Variants in RGS12 observed in about 807,000 individuals in gnomAD.
RGS12 encodes regulator of G protein signaling 12.
In RGS12, 66 loss-of-function variants were observed where a neutral mutation model predicts 120.1. The ratio of observed to expected loss-of-function variants is 0.55; its 90% CI spans 0.45 to 0.67. The LOEUF (loss-of-function observed/expected upper bound fraction) is 0.67. RGS12 is among the 30% of genes least tolerant of loss of function. The pLI is 0.00. For missense variants in RGS12, 1,859 were observed against 1,957.7 expected (o/e 0.95, Z 0.95); for synonymous variants, 827 against 804.7 (o/e 1.03, Z -0.47).
rs1347436493 is a variant in RGS12, at chr4:3,416,104, A to C, written c.2410A>C (p.Lys804Gln). The change falls in exon 7 of 18, where the codon AAG (lysine) becomes CAG (glutamine). Residue 804 changes from lysine to glutamine, a missense_variant. Lys to Gln is a moderately conservative substitution (Grantham distance 53). This residue lies in a region of RGS12 where 375 missense variants were observed against 475.0 expected (regional missense o/e 0.79). Transcript: ENST00000336727. Reference protein sequence around the residue: ...VLRAPHPDMFKEQQLQIFNLM... With the variant: ...VLRAPHPDMFQEQQLQIFNLM... ...CCGCGCACCTCACCCAGACATGTTC[A>C]AGGAGCAGCAGCTGCAGGTAACCGC... 6.2e-7 allele frequency: 1 copy of C among 1,614,076 alleles called. No homozygotes were observed.
At chr4:3,400,981 A>G (rs1049146168) in intron 4 of RGS12, among the ~76,000 whole-genome samples, 2 of 152,110 alleles carry the variant, frequency 1.3e-5, no homozygotes, top group African/African-American at 4.8e-5. Flanking sequence ...AGAAAAAAAT[A>G]TTAAACTTGG....
intron 17 of RGS12, among the ~76,000 whole-genome samples, chr4:3,437,840 C>T (rs1353567509): frequency 1.3e-5 from 2 of 152,164 alleles, no homozygotes; most frequent in African/African-American, 2.4e-5. Flanking sequence ...TTCAAGAGAA[C>T]GGGCTGGGCA....
At chr4:3,368,503 T>TG (rs1716601657) in intron 3 of RGS12, among the ~76,000 whole-genome samples, 1 of 119,144 alleles carries the variant, frequency 8.4e-6, no homozygotes, top group Non-Finnish European at 1.7e-5. Context: ...TGTGTGTGTG[T>TG]GGGTGCCTGT....
chr4:3,308,378 TG>T (rs1399566502), intron 1 of RGS12, among the ~76,000 whole-genome samples: 3 of 152,056 alleles, frequency 2.0e-5, no homozygotes, highest in Non-Finnish European at 4.4e-5. Context: ...TGAAGCGTGT[TG>T]GCTCGGCGCT....
chr4:3,406,603 A>T (rs1304578234), intron 4 of RGS12, among the ~76,000 whole-genome samples: 2 of 152,202 alleles, frequency 1.3e-5, no homozygotes, highest in Admixed American at 1.3e-4. Context: ...CAGAGAGTGC[A>T]GTGTCCTAGA....
At chr4:3,376,507 G>T (rs1717714756) in intron 3 of RGS12, among the ~76,000 whole-genome samples, 2 of 152,230 alleles carry the variant, frequency 1.3e-5, no homozygotes, top group South Asian at 4.1e-4. Context: ...CACCCTGGGG[G>T]GAGACACGTG....
Position 3,430,403 on chromosome 4 carries a change from A to G in RGS12, c.3566-4A>G, listed in dbSNP as rs1256056205. ...CACGGTCACTCTGGGTTTTCTTCCAATAGAGTTTTTTGAGCTTATTTCCAA... is the reference window on the plus strand; with the variant it reads ...CACGGTCACTCTGGGTTTTCTTCCAGTAGAGTTTTTTGAGCTTATTTCCAA... On this transcript the variant is annotated splice_region_variant and splice_polypyrimidine_tract_variant and intron_variant, in intron 16 of 17. Transcript: ENST00000336727. 2 of 1,606,956 alleles carry G rather than the reference A, an allele frequency of 1.2e-6. No homozygotes were observed. The highest frequency in any genetic ancestry group is 2.2e-5 in the East Asian group (1 of 44,756).
intron 1 of RGS12, among the ~76,000 whole-genome samples, chr4:3,301,162 G>A (rs187283212): frequency 0.01 from 1,521 of 151,764 alleles, 15 homozygotes; most frequent in Middle Eastern, 0.031. Context: ...GTCTGTCCCC[G>A]GCTGCCCTCC....
chr4:3,349,846 A>G (rs1054151755), intron 3 of RGS12, among the ~76,000 whole-genome samples: 2 of 152,226 alleles, frequency 1.3e-5, no homozygotes, highest in African/African-American at 2.4e-5. Flanking sequence ...GTGTTCAGCA[A>G]TGTATGTTTT....
intron 3 of RGS12, among the ~76,000 whole-genome samples, chr4:3,373,857 A>G (rs968353034): frequency 6.6e-6 from 1 of 152,226 alleles, no homozygotes; most frequent in Non-Finnish European, 1.5e-5. Flanking sequence ...TCATCTATAT[A>G]AGGAAAGATC....
In RGS12 at chr4:3,316,549, A is replaced by G. The variant is rs755326685; in HGVS notation, c.379A>G (p.Lys127Glu). Residue 127 changes from lysine to glutamate, a missense_variant, in exon 2 of 18, where the codon AAA (lysine) becomes GAA (glutamate). Transcript: ENST00000336727. ...KGWLKPKLDS[K>E]ALGINRAERV... is the part of the protein sequence containing the mutation. ...CTGGCTGAAGCCCAAGCTGGATTCT[A>G]AAGCACTAGGTATAAACAGAGCAGA... 6.8e-6 allele frequency: 11 copies of G among 1,614,098 alleles called. No individual in the cohort carries two copies. Among genetic ancestry groups the G allele is most frequent in the Non-Finnish European group, 8.5e-6 (10 of 1,180,054 alleles).
At chr4:3,406,636 C>T (rs1460803865) in intron 4 of RGS12, among the ~76,000 whole-genome samples, 5 of 152,206 alleles carry the variant, frequency 3.3e-5, no homozygotes, top group African/African-American at 1.2e-4. Flanking sequence ...GTGTGTCACC[C>T]GCCCTCTCCA....
chr4:3,358,256 A>T (rs1715086057), intron 3 of RGS12, among the ~76,000 whole-genome samples: 1 of 152,176 alleles, frequency 6.6e-6, no homozygotes, highest in Admixed American at 6.5e-5. Context: ...AATAGTCTAC[A>T]TAAAATATCT....
chr4:3,342,941 C>G lies in RGS12; in HGVS notation c.1886C>G (p.Ser629Ter). ...VRKTKEDKKG[S>*]KFGRGTGLTQ... ...GCCTTTTTTCTTCGTGTTTAGGGCT[C>G]AAAATTTGGGCGGGGAACTGGACTC... Residue 629 changes from serine to a stop codon, truncating the protein, a stop_gained, in exon 3 of 18, where the codon TCA becomes TGA. Coordinates refer to ENST00000336727, the MANE Select transcript of RGS12 (RefSeq NM_001394154.1). LOFTEE classifies it high-confidence loss of function. 1 of 1,612,826 alleles carries G rather than the reference C, an allele frequency of 6.2e-7. No individual in the cohort carries two copies. The highest frequency in any genetic ancestry group is 8.5e-7 in the Non-Finnish European group (1 of 1,179,114).
chr4:3,362,502 G>T (rs376116709), intron 3 of RGS12, among the ~76,000 whole-genome samples: 1 of 146,494 alleles, frequency 6.8e-6, no homozygotes, highest in East Asian at 2.1e-4. Context: ...GTGTGTGAGG[G>T]TGCGAGGATC....
At position 3,372,654 on chromosome 4, in the gene RGS12, C is replaced by T. The variant is rs1717154240; in HGVS notation, c.1999-13762C>T. Among the ~76,000 whole-genome samples the T allele has an allele frequency of 1.3e-5, 2 of 152,222 alleles. No individual in the cohort carries two copies. The highest frequency in any genetic ancestry group is 2.4e-5 in the African/African-American group (1 of 41,462). On this transcript the variant is annotated intron_variant, in intron 3 of 17. Transcript: ENST00000336727. The surrounding 1 kb of genome is among the most constrained non-coding windows in gnomAD (Gnocchi z 4.3). The stretch of plus-strand genomic sequence containing the variant: ...TGGTTTTGTGACGTCTCAGGGTGTC[C>T]TTTCTTTCCTTCATGAGAAGAAGTT...
At chr4:3,299,512 T>C (rs1723559423) in intron 1 of RGS12, among the ~76,000 whole-genome samples, 1 of 152,168 alleles carries the variant, frequency 6.6e-6, no homozygotes, top group Admixed American at 6.5e-5. Context: ...TTGTGTCTTG[T>C]GTCTGGTTGG....
chr4:3,396,447 T>A (rs1720056579), intron 4 of RGS12, among the ~76,000 whole-genome samples: 1 of 152,226 alleles, frequency 6.6e-6, no homozygotes, highest in South Asian at 2.1e-4. Flanking sequence ...GAATTGGTAT[T>A]TTTGTCTATG....
At chr4:3,359,599 C>T (rs909708034) in intron 3 of RGS12, among the ~76,000 whole-genome samples, 1 of 146,404 alleles carries the variant, frequency 6.8e-6, no homozygotes, top group African/African-American at 2.5e-5. Flanking sequence ...TAGGTCTATT[C>T]AGATTTTCTA....
Sources: allele counts gnomAD v4.1 joint callset (sites outside exome capture counted in the v4.1 genomes callset), GRCh38; gene constraint gnomAD v4.1.1; regional missense constraint gnomAD v4.1.1; non-coding constraint Gnocchi (gnomAD v3.1); transcripts MANE v1.5; gene names NCBI Gene and HGNC (gene_info 2026-07-23, HGNC 2026-07-21).